Variants in DCAF15 observed in about 807,000 individuals in gnomAD.
The protein encoded by DCAF15 is DDB1 and CUL4 associated factor 15, also known as DDB1- and CUL4-associated factor 15.
Under a neutral mutation model 68.0 loss-of-function variants are expected in DCAF15, and 24 were observed. That is an observed-to-expected ratio of 0.35 (90% CI 0.26 to 0.50). DCAF15 has a LOEUF of 0.50. DCAF15 is among the 20% of genes least tolerant of loss of function. DCAF15 has a pLI of 0.98. For missense variants in DCAF15, 627 were observed against 830.6 expected (o/e 0.75, Z 3.01); for synonymous variants, 376 against 341.6 (o/e 1.10, Z -1.11).
chr19:13,960,145 C>A, intron 10 of DCAF15, 76 bp downstream of exon 10: 1 of 1,584,224 alleles, frequency 6.3e-7, no homozygotes, highest in Non-Finnish European at 8.6e-7. Context: ...GGTGTGGGGA[C>A]GTGAGAAGGC....
Position 13,952,618 on chromosome 19 carries a change from G to A in DCAF15, c.106G>A (p.Val36Ile). ...KRAAGRRREH[V>I]LKQLERVKIS... is the part of the protein sequence containing the mutation. ...GGCAGCAGGGCGGCGGCGGGAGCAC[G>A]TCCTCAAGCAGCTGGAGCGGGTCAA... is the stretch of plus-strand genomic sequence containing the variant. The change falls in exon 1 of 13, where the codon GTC becomes ATC. Residue 36 changes from valine to isoleucine, a missense_variant. Val to Ile is a conservative substitution (Grantham distance 29, BLOSUM62 3). This residue lies in a region of DCAF15 where 273 missense variants were observed against 393.7 expected (regional missense o/e 0.69). Coordinates refer to ENST00000254337, the MANE Select transcript of DCAF15 (RefSeq NM_138353.4). The A allele has an allele frequency of 1.6e-6, 2 of 1,264,710 alleles. No individual in the cohort carries two copies. The highest frequency in any genetic ancestry group is 2.0e-6 in the Non-Finnish European group (2 of 1,001,926). 78.3% of individuals were successfully genotyped at this position (1,264,710 alleles called of 1,614,324 possible).
chr19:13,957,393 C>T (rs999259777), intron 6 of DCAF15, among the ~76,000 whole-genome samples: 1 of 152,180 alleles, frequency 6.6e-6, no homozygotes, highest in Non-Finnish European at 1.5e-5. Flanking sequence ...CAGAGTCTCA[C>T]TGGGTCCGTA....
chr19:13,960,972 C>T lies in DCAF15; in HGVS notation c.1780C>T (p.Arg594Ter). 6.2e-7 allele frequency: 1 copy of T among 1,613,898 alleles called. No individual in the cohort carries two copies. Among genetic ancestry groups the T allele is most frequent in the Non-Finnish European group, 8.5e-7 (1 of 1,180,002 alleles). Residue 594 changes from arginine (R) to a stop codon, truncating the protein, a stop_gained, in exon 13 of 13, where the codon CGA becomes TGA. Coordinates refer to ENST00000254337, the MANE Select transcript of DCAF15 (RefSeq NM_138353.4). LOFTEE classifies it high-confidence loss of function. ...CCTGAAGGTTCTGGCGGACAGCGAG[C>T]GATATACGTGGATCGTGCTGTGAGG... Reference protein sequence around the residue: ...CSLKVLADSERYTWIVL With the variant: ...CSLKVLADSE
In DCAF15 at chr19:13,953,809, G is replaced by A. The variant is rs1277169024; in HGVS notation, c.133-531G>A. On this transcript the variant is annotated intron_variant, in intron 1 of 12. Coordinates refer to ENST00000254337, the MANE Select transcript of DCAF15 (RefSeq NM_138353.4). ...GGCGGTAGTTAATTGGGAAGGGGGC[G>A]TTGGGTCATTGGTTAGGCTCACCCT... 2.6e-5 allele frequency among the ~76,000 whole-genome samples: 4 copies of A among 152,340 alleles called. No homozygotes were observed. The East Asian group carries it at 5.8e-4, about 22-fold the overall frequency.
rs753194707 is a variant in DCAF15 at position 13,956,215 on chromosome 19, C to T, written c.566C>T (p.Pro189Leu). 34 of 1,612,192 alleles carry T rather than the reference C, an allele frequency of 2.1e-5. No individual in the cohort carries two copies. Among genetic ancestry groups the T allele is most frequent in the Middle Eastern group, 1.6e-4 (1 of 6,062 alleles). ...TACGTCAGCACCGTGGCCGTGCCAC[C>T]GCCAGGCCGCTGTGCTGCTTGCCAG... ...DIYVSTVAVP[P>L]PGRCAACQDA... is the part of the protein sequence containing the mutation. Residue 189 changes from proline to leucine, a missense_variant, in exon 5 of 13, where the codon CCG becomes CTG. By Grantham distance (98) the Pro-to-Leu change is moderately conservative (BLOSUM62 -3). This residue lies in a region of DCAF15 where 273 missense variants were observed against 393.7 expected (regional missense o/e 0.69). Coordinates refer to ENST00000254337, the MANE Select transcript of DCAF15 (RefSeq NM_138353.4).
rs752731249 is a variant in DCAF15, at chr19:13,959,974, C to T, written c.1441-10C>T. 1.2e-6 allele frequency: 2 copies of T among 1,608,558 alleles called. No homozygotes were observed. The highest frequency in any genetic ancestry group is 1.7e-6 in the Non-Finnish European group (2 of 1,179,266). On this transcript the variant is annotated splice_polypyrimidine_tract_variant and intron_variant, in intron 9 of 12. Coordinates refer to ENST00000254337, the MANE Select transcript of DCAF15 (RefSeq NM_138353.4). ...CCTCAACAGTTGGCATCATCCACCC[C>T]CACCCCCAGGTCTGCCCAGAAACCA...
intron 8 of DCAF15, 47 bp downstream of exon 8, chr19:13,959,720 C>G: frequency 3.7e-6 from 6 of 1,612,522 alleles, no homozygotes; most frequent in Non-Finnish European, 5.1e-6. Context: ...GGGGAGCTGC[C>G]GGGGGGCAGT....
In DCAF15 at chr19:13,959,913, A is replaced by C. The variant is rs752683574; in HGVS notation, c.1440+18A>C. 1.8e-6 allele frequency: 2 copies of C among 1,100,234 alleles called. No homozygotes were observed. The highest frequency in any genetic ancestry group is 2.4e-5 in the South Asian group (2 of 82,328). The allele number at this position is 1,100,234 out of a possible 1,614,324, so 68.2% of individuals were successfully genotyped here. A position where few individuals can be genotyped will look rare whatever the true frequency, so the allele number is the denominator to read the frequency against. ...TTCTGGAGGTGGGCCCAGGGCGGGC[A>C]GGGTGGGCCCAGGGCCTCCTGTACT... On this transcript the variant is annotated intron_variant, in intron 9 of 12. Transcript: ENST00000254337.
intron 6 of DCAF15, among the ~76,000 whole-genome samples, chr19:13,956,940 G>A (rs1376049769): frequency 6.6e-6 from 1 of 152,236 alleles, no homozygotes; most frequent in East Asian, 1.9e-4. Context: ...GTTTTTAGTA[G>A]AGATGGGATT....
Position 13,955,815 on chromosome 19 carries a change from C to T in DCAF15, c.367-97C>T, listed in dbSNP as rs575445169. ...CGGGTGCTGTTGGGGTGCTCCTACCCGCTCAGCCCCAGCCCTGATGAGGGA... is the reference window on the plus strand; with the variant it reads ...CGGGTGCTGTTGGGGTGCTCCTACCTGCTCAGCCCCAGCCCTGATGAGGGA... On this transcript the variant is annotated intron_variant, in intron 3 of 12. Coordinates refer to ENST00000254337, the MANE Select transcript of DCAF15 (RefSeq NM_138353.4). 132 of 1,279,800 alleles carry T rather than the reference C, an allele frequency of 1.0e-4. No individual in the cohort carries two copies. The African/African-American group carries it at 1.5e-3, about 15-fold the overall frequency. The allele number at this position is 1,279,800 out of a possible 1,614,324, so 79.3% of individuals were successfully genotyped here. A position where few individuals can be genotyped will look rare whatever the true frequency, so the allele number is the denominator to read the frequency against.
chr19:13,955,884 C>G (rs748201960), intron 3 of DCAF15, 28 bp from the exon 4 acceptor site: 1 of 1,610,982 alleles, frequency 6.2e-7, no homozygotes, highest in East Asian at 2.2e-5. Flanking sequence ...TTCCCTGACC[C>G]GGTGCTGCCC....
In DCAF15 at chr19:13,954,672, T is replaced by C; in HGVS notation, c.366+11T>C. ...AGCAAGCTCAAGCTGGTAGGGAGGCTTCAACACCAGGCTGGCCCTTCAGAT... is the reference window on the plus strand; with the variant it reads ...AGCAAGCTCAAGCTGGTAGGGAGGCCTCAACACCAGGCTGGCCCTTCAGAT... On this transcript the variant is annotated intron_variant, in intron 3 of 12. Transcript: ENST00000254337. 4 of 1,613,948 alleles carry C rather than the reference T, an allele frequency of 2.5e-6. No homozygotes were observed. The highest frequency in any genetic ancestry group is 3.4e-6 in the Non-Finnish European group (4 of 1,179,878).
rs902024462 is a variant in DCAF15, at chr19:13,959,290, C to A, written c.1030C>A (p.Pro344Thr). 3 of 1,609,896 alleles carry A rather than the reference C, an allele frequency of 1.9e-6. No homozygotes were observed. In the African/African-American group the frequency reaches 4.0e-5, roughly 21 times the overall value. The change falls in exon 7 of 13, where the codon CCT (proline) becomes ACT (threonine). Residue 344 changes from proline (P) to threonine (T), a missense_variant. Physicochemically the swap from Pro to Thr is conservative, Grantham distance 38 (BLOSUM62 -1). Around this residue, in one of 3 missense-constraint regions of DCAF15, gnomAD observed 236 missense variants for 225.1 expected, o/e 1.05. Coordinates refer to ENST00000254337, the MANE Select transcript of DCAF15 (RefSeq NM_138353.4). ...AKGGVPEEARPALCPGPSGSR... is the reference protein window; with the variant it reads ...AKGGVPEEARTALCPGPSGSR... ...GGGCGGGGTCCCTGAGGAAGCCCGG[C>A]CTGCCCTGTGCCCAGGACCCTCTGG... is the stretch of plus-strand genomic sequence containing the variant.
intron 1 of DCAF15, among the ~76,000 whole-genome samples, chr19:13,953,832 C>T (rs935897214): frequency 2.0e-5 from 3 of 152,152 alleles, no homozygotes; most frequent in African/African-American, 4.8e-5. Flanking sequence ...TTAGGCTCAC[C>T]CTTCTATCTG....
At position 13,960,545 on chromosome 19, in the gene DCAF15, A is replaced by G; in HGVS notation, c.1712A>G (p.Tyr571Cys). 2 of 1,600,508 alleles carry G rather than the reference A, an allele frequency of 1.2e-6. No homozygotes were observed. Among genetic ancestry groups the G allele is most frequent in the East Asian group, 2.3e-5 (1 of 44,370 alleles). ...KWLVPESSGRYVNRMTNEALH... is the reference protein window; with the variant it reads ...KWLVPESSGRCVNRMTNEALH... ...CTGGTGCCGGAGAGCAGCGGCCGCT[A>G]CGTCAACAGGATGACCAATGAGGCG... Residue 571 changes from tyrosine to cysteine, a missense_variant, in exon 12 of 13, where the codon TAC becomes TGC. Physicochemically the swap from Tyr to Cys is radical, Grantham distance 194 (BLOSUM62 -2). Around this residue, in one of 3 missense-constraint regions of DCAF15, gnomAD observed 118 missense variants for 211.8 expected, o/e 0.56. Coordinates refer to ENST00000254337, the MANE Select transcript of DCAF15 (RefSeq NM_138353.4).
In DCAF15 at chr19:13,961,041, G is replaced by A. The variant is rs1227308123; in HGVS notation, c.*46G>A. On this transcript the variant is annotated 3_prime_UTR_variant, in exon 13 of 13. Coordinates refer to ENST00000254337, the MANE Select transcript of DCAF15 (RefSeq NM_138353.4). ...CTGACTCCAACTACCTCCGTGGCCT[G>A]GGACCGGCCCCCTTCCTGGGGTGGC... is the stretch of plus-strand genomic sequence containing the variant. 6.2e-7 allele frequency: 1 copy of A among 1,611,036 alleles called. No homozygotes were observed. The highest frequency in any genetic ancestry group is 1.3e-5 in the African/African-American group (1 of 75,028).
Position 13,959,322 on chromosome 19 carries a change from C to T in DCAF15, c.1062C>T (p.Arg354=). 6.2e-7 allele frequency: 1 copy of T among 1,606,850 alleles called. No individual in the cohort carries two copies. ...PALCPGPSGS[R]CRAHSEPLAL... The stretch of plus-strand genomic sequence containing the variant: ...TGTGCCCAGGACCCTCTGGCAGCCG[C>T]TGCCGTGCGCACTCTGAGCCCCTAG... Residue 354 remains arginine (R), a synonymous_variant, in exon 7 of 13, where the codon CGC becomes CGT. Coordinates refer to ENST00000254337, the MANE Select transcript of DCAF15 (RefSeq NM_138353.4).
rs1050124163 is a variant in DCAF15 at position 13,953,195 on chromosome 19, C to T, written c.132+551C>T. ...TCTTCCCCCGCAGAGTGAGAGTTACCGAAGCAGGCTCTGTCTCCTCCATCA... is the reference window on the plus strand; with the variant it reads ...TCTTCCCCCGCAGAGTGAGAGTTACTGAAGCAGGCTCTGTCTCCTCCATCA... On this transcript the variant is annotated intron_variant, in intron 1 of 12. Transcript: ENST00000254337. 10 of 1,466,232 alleles carry T rather than the reference C, an allele frequency of 6.8e-6. No homozygotes were observed. The African/African-American group carries it at 1.3e-4, about 19-fold the overall frequency. 90.8% of individuals were successfully genotyped at this position (1,466,232 alleles called of 1,614,324 possible).
At chr19:13,958,730 A>G (rs1221720678) in intron 6 of DCAF15, among the ~76,000 whole-genome samples, 1 of 152,092 alleles carries the variant, frequency 6.6e-6, no homozygotes, top group African/African-American at 2.4e-5. Context: ...ATGCTACTGT[A>G]GTGAACACTC....
Sources: allele counts gnomAD v4.1 joint callset (sites outside exome capture counted in the v4.1 genomes callset), GRCh38; gene constraint gnomAD v4.1.1; regional missense constraint gnomAD v4.1.1; transcripts MANE v1.5; gene names NCBI Gene and HGNC (gene_info 2026-07-23, HGNC 2026-07-21).